Variants in CLDN10 observed in about 807,000 individuals in gnomAD.
The protein encoded by CLDN10 is claudin-10.
In CLDN10, 15 loss-of-function variants were observed where a neutral mutation model predicts 22.9. The observed-to-expected ratio is 0.65, with a 90% CI of 0.44 to 1.01. The LOEUF (loss-of-function observed/expected upper bound fraction) is 1.01, where lower values mean the gene tolerates loss of function less well. CLDN10 is among the 50% of genes least tolerant of loss of function. CLDN10 has a pLI of 0.00. For missense variants in CLDN10, 247 were observed against 287.8 expected, an observed-to-expected ratio of 0.86 and a Z score of 1.03; for synonymous variants, 114 against 111.4, an observed-to-expected ratio of 1.02 and a Z score of -0.15.
intron 1 of CLDN10, among the ~76,000 whole-genome samples, chr13:95,545,658 C>T (rs1223057704): frequency 1.3e-5 from 2 of 152,028 alleles, no homozygotes; most frequent in Non-Finnish European, 2.9e-5. Context: ...AAAATATATA[C>T]CTTAGTTTGA....
At chr13:95,489,388 GT>G (rs552563178) in intron 1 of CLDN10, among the ~76,000 whole-genome samples, 31 of 149,896 alleles carry the variant, frequency 2.1e-4, no homozygotes, top group Non-Finnish European at 4.2e-4. Flanking sequence ...ACGTCTACTG[GT>G]TTTTTTTTTA....
intron 1 of CLDN10, among the ~76,000 whole-genome samples, chr13:95,530,336 CA>C (rs1316521069): frequency 5.9e-5 from 9 of 152,150 alleles, no homozygotes; most frequent in Admixed American, 3.3e-4. Flanking sequence ...GTTTAAACCA[CA>C]ACATTTGTGA....
At chr13:95,457,453 G>A (rs562940448) in intron 1 of CLDN10, among the ~76,000 whole-genome samples, 1 of 152,234 alleles carries the variant, frequency 6.6e-6, no homozygotes, top group South Asian at 2.1e-4. Flanking sequence ...TCTGTGTTCT[G>A]TGCAGTCTTG....
intron 1 of CLDN10, among the ~76,000 whole-genome samples, chr13:95,524,544 A>C (rs2043258526): frequency 6.6e-6 from 1 of 152,146 alleles, no homozygotes; most frequent in Non-Finnish European, 1.5e-5. Flanking sequence ...CATGTTGTTT[A>C]TCCATTCTTC....
chr13:95,465,824 T>C (rs1316563283), intron 1 of CLDN10, among the ~76,000 whole-genome samples: 1 of 152,250 alleles, frequency 6.6e-6, no homozygotes, highest in Non-Finnish European at 1.5e-5. Flanking sequence ...CATCTCATTA[T>C]GTTTAGAGAT....
intron 2 of CLDN10, 29 bp from the exon 3 acceptor site, chr13:95,560,353 C>T: frequency 6.2e-7 from 1 of 1,611,926 alleles, no homozygotes; most frequent in Non-Finnish European, 8.5e-7. Context: ...TCACACTAAC[C>T]ATAGTGCTTT....
chr13:95,552,539 C>G (rs2043577693), upstream of CLDN10, among the ~76,000 whole-genome samples: 1 of 152,186 alleles, frequency 6.6e-6, no homozygotes, highest in African/African-American at 2.4e-5. Flanking sequence ...GATGGAGAAC[C>G]CGGGGGGCGA....
At chr13:95,572,138 TGCCGGAAGAAAA>T (rs1351170825) in intron 3 of CLDN10, among the ~76,000 whole-genome samples, 1 of 152,146 alleles carries the variant, frequency 6.6e-6, no homozygotes, top group Non-Finnish European at 1.5e-5. Context: ...CCTCTTTTTG[TGCCGGAAGAAAA>T]GGCAGCCCGA....
intron 1 of CLDN10, among the ~76,000 whole-genome samples, chr13:95,542,676 G>C (rs1025701677): frequency 1.3e-5 from 2 of 151,586 alleles, no homozygotes; most frequent in East Asian, 3.9e-4. Flanking sequence ...GCATGGTGGC[G>C]CACGCCTGTA....
intron 1 of CLDN10, among the ~76,000 whole-genome samples, chr13:95,470,652 T>G (rs2042620623): frequency 6.6e-6 from 1 of 152,162 alleles, no homozygotes; most frequent in Non-Finnish European, 1.5e-5. Context: ...GGGACCCCTC[T>G]TCACGAATGA....
At chr13:95,472,606 G>A (rs1014704295) in intron 1 of CLDN10, among the ~76,000 whole-genome samples, 4 of 150,930 alleles carry the variant, frequency 2.7e-5, no homozygotes, top group South Asian at 2.1e-4. Context: ...GGAGGCAGAG[G>A]TTGCAGTGAG....
chr13:95,499,075 A>G (rs2138533780), intron 1 of CLDN10, among the ~76,000 whole-genome samples: 1 of 152,350 alleles, frequency 6.6e-6, no homozygotes, highest in South Asian at 2.1e-4. Context: ...TCAAGACTGA[A>G]TAACATTCCA....
intron 1 of CLDN10, among the ~76,000 whole-genome samples, chr13:95,538,094 C>T (rs1173079008): frequency 6.7e-6 from 1 of 149,250 alleles, no homozygotes; most frequent in African/African-American, 2.5e-5. Context: ...AAGAGCCAAG[C>T]ATTATTTCCA....
At chr13:95,443,189 T>TG (rs1375083952) in intron 1 of CLDN10, among the ~76,000 whole-genome samples, 1 of 152,204 alleles carries the variant, frequency 6.6e-6, no homozygotes, top group Non-Finnish European at 1.5e-5. Flanking sequence ...CCCAAATTTG[T>TG]GTTTAAGTCC....
At chr13:95,563,696 A>G (rs149614819) in intron 3 of CLDN10, among the ~76,000 whole-genome samples, 4 of 152,322 alleles carry the variant, frequency 2.6e-5, no homozygotes, top group East Asian at 1.9e-4. Flanking sequence ...TGTAGATACC[A>G]TCAGATTCTA....
chr13:95,553,052 C>A lies in CLDN10; in HGVS notation c.220+79C>A. 1.9e-6 allele frequency: 3 copies of A among 1,547,428 alleles called. No homozygotes were observed. The South Asian group carries it at 3.6e-5, about 19-fold the overall frequency. ...GCTAGGCGCCCTCTCGCCCCCAATA[C>A]CCCCAGCGGGACCCCTAGACTGGAC... On this transcript the variant is annotated intron_variant, in intron 1 of 4. Transcript: ENST00000299339.
chr13:95,495,413 C>G (rs547951296), intron 1 of CLDN10, among the ~76,000 whole-genome samples: 2 of 151,788 alleles, frequency 1.3e-5, no homozygotes, highest in South Asian at 4.2e-4. Flanking sequence ...GTCAACTGAG[C>G]CTTTTATTTG....
chr13:95,502,074 CCCCCACA>C, intron 1 of CLDN10, among the ~76,000 whole-genome samples: 1 of 152,232 alleles, frequency 6.6e-6, no homozygotes, highest in East Asian at 1.9e-4. Flanking sequence ...ACCACCCCAG[CCCCCACA>C]CCCAATCCTT....
chr13:95,445,430 C>A (rs1045272766), intron 1 of CLDN10, among the ~76,000 whole-genome samples: 7 of 152,156 alleles, frequency 4.6e-5, no homozygotes, highest in African/African-American at 1.4e-4. Flanking sequence ...TAACAAAGAC[C>A]CTGCAGTATT....
Sources: gnomAD v4.1 joint callset for allele counts (sites outside exome capture counted in the v4.1 genomes callset) on GRCh38, gnomAD v4.1.1 for gene constraint, MANE v1.5 for transcripts, NCBI Gene and HGNC (gene_info 2026-07-23, HGNC 2026-07-21) for gene names.